Variants in LRRK2 observed in about 807,000 individuals in gnomAD.
The protein encoded by LRRK2 is leucine-rich repeat serine/threonine-protein kinase 2.
A neutral mutation model predicts 302.6 loss-of-function variants in LRRK2; 203 were observed. The ratio of observed to expected loss-of-function variants is 0.67; its 90% confidence interval spans 0.60 to 0.75. The LOEUF is 0.75. LRRK2 is among the 30% of genes least tolerant of loss of function. The pLI, the probability that LRRK2 is intolerant of heterozygous loss-of-function variation, is 0.00. For missense variants in LRRK2, 2,830 were observed against 2,951.0 expected, an observed-to-expected ratio of 0.96 and a Z score of 0.95; for synonymous variants, 1,066 against 1,031.9, an observed-to-expected ratio of 1.03 and a Z score of -0.63.
intron 7 of LRRK2, among the ~76,000 whole-genome samples, chr12:40,245,980 T>C (rs1941961390): frequency 2.0e-5 from 3 of 151,988 alleles, no homozygotes; most frequent in South Asian, 4.1e-4. Context: ...GAATTATTAA[T>C]ATAGTGTTAA....
intron 5 of LRRK2, among the ~76,000 whole-genome samples, chr12:40,239,398 A>T (rs968855787): frequency 1.3e-5 from 2 of 152,028 alleles, no homozygotes; most frequent in African/African-American, 2.4e-5. Context: ...TTGAGGTTCT[A>T]TTGTCTTGCA....
At chr12:40,278,340 A>G (rs1943548265) in intron 18 of LRRK2, 79 bp downstream of exon 18, 1 of 1,506,944 alleles carries the variant, frequency 6.6e-7, no homozygotes, top group Admixed American at 1.7e-5. Context: ...TGTATCTCTT[A>G]CTTATATCAT....
At chr12:40,258,673 G>A (rs1354240164) in intron 12 of LRRK2, among the ~76,000 whole-genome samples, 4 of 152,208 alleles carry the variant, frequency 2.6e-5, no homozygotes, top group Non-Finnish European at 5.9e-5. Flanking sequence ...TCAGAATGCA[G>A]TGGCAGTAGT....
At chr12:40,283,064 A>G (rs1943773962) in intron 18 of LRRK2, among the ~76,000 whole-genome samples, 1 of 152,188 alleles carries the variant, frequency 6.6e-6, no homozygotes, top group Admixed American at 6.5e-5. Flanking sequence ...ATTAGAAATC[A>G]TGTGTGTACA....
intron 6 of LRRK2, 54 bp downstream of exon 6, chr12:40,240,671 T>C (rs1279395724): frequency 2.0e-6 from 3 of 1,493,938 alleles, no homozygotes; most frequent in African/African-American, 1.4e-5. Flanking sequence ...TTACAATATA[T>C]CTCATTCTGA....
chr12:40,252,869 T>G lies in LRRK2; in HGVS notation c.1182-41T>G, dbSNP rs1411929985. 2.3e-6 allele frequency: 3 copies of G among 1,306,818 alleles called. No homozygotes were observed. The African/African-American group carries it at 4.3e-5, about 19-fold the overall frequency. The allele number at this position is 1,306,818 out of a possible 1,614,324, so 81.0% of individuals were successfully genotyped here. ...GCAAGTGAGAATTTGAGATAGTTAT[T>G]TAAAAGATTACTACTAACATTTTGT... On this transcript the variant is annotated intron_variant, in intron 10 of 50. Transcript: ENST00000298910.
intron 39 of LRRK2, among the ~76,000 whole-genome samples, chr12:40,331,596 A>C (rs533355516): frequency 3.6e-5 from 3 of 82,354 alleles, no homozygotes; most frequent in East Asian, 5.4e-4. Context: ...TAAAAAAATT[A>C]CAAAAAAAAA....
At chr12:40,366,604 A>G (rs1295504708) in intron 49 of LRRK2, 1 of 179,600 alleles carries the variant, frequency 5.6e-6, no homozygotes, top group Non-Finnish European at 1.2e-5. Flanking sequence ...GTATCAGTAT[A>G]TCCATCCATC....
intron 15 of LRRK2, 39 bp downstream of exon 15, chr12:40,274,766 T>G (rs201065735): frequency 3.7e-6 from 6 of 1,613,246 alleles, no homozygotes; most frequent in Non-Finnish European, 5.1e-6. Flanking sequence ...AATAGATTTT[T>G]GTAGGGCATT....
chr12:40,320,164 G>A lies in LRRK2; in HGVS notation c.5004G>A (p.Leu1668=), dbSNP rs201698837. 3 of 1,611,408 alleles carry A rather than the reference G, an allele frequency of 1.9e-6. No homozygotes were observed. Among genetic ancestry groups the A allele is most frequent in the South Asian group, 1.1e-5 (1 of 90,910 alleles). Residue 1668 remains leucine, a synonymous_variant, in exon 34 of 51, where the codon CTG becomes CTA. Transcript: ENST00000298910. ...IALPIGEEYL[L]VPSSLSDHRP... is the part of the protein sequence containing the mutation. Reference sequence around the variant, plus strand: ...TGCCAATAGGAGAAGAATATTTGCTGGTTCCAAGCAGGTAAAGAAAACCTT... The same window carrying A: ...TGCCAATAGGAGAAGAATATTTGCTAGTTCCAAGCAGGTAAAGAAAACCTT...
At chr12:40,263,317 C>G (rs1280349548) in intron 13 of LRRK2, among the ~76,000 whole-genome samples, 1 of 152,140 alleles carries the variant, frequency 6.6e-6, no homozygotes, top group Non-Finnish European at 1.5e-5. Context: ...ATGACATGTT[C>G]TCTACCACCT....
chr12:40,225,425 G>A, intron 1 of LRRK2, 130 bp from the exon 2 acceptor site: 1 of 1,270,632 alleles, frequency 7.9e-7, no homozygotes, highest in Non-Finnish European at 1.1e-6. Flanking sequence ...CTTTCCTTAG[G>A]GCAGAAAGCA....
chr12:40,343,643 T>C (rs1946113584), intron 41 of LRRK2, among the ~76,000 whole-genome samples: 1 of 152,248 alleles, frequency 6.6e-6, no homozygotes, highest in Non-Finnish European at 1.5e-5. Flanking sequence ...TCTGAAAAAT[T>C]ATTTTTAAAA....
intron 10 of LRRK2, among the ~76,000 whole-genome samples, chr12:40,252,335 TTAAA>T (rs1942310124): frequency 6.6e-6 from 1 of 152,230 alleles, no homozygotes; most frequent in South Asian, 2.1e-4. Context: ...TGCTACTTAA[TTAAA>T]TATTTTCATT....
chr12:40,317,088 T>C (rs1433476306), intron 33 of LRRK2, among the ~76,000 whole-genome samples: 3 of 152,110 alleles, frequency 2.0e-5, no homozygotes, highest in African/African-American at 7.2e-5. Context: ...ATTTTCACTA[T>C]GACTGCAATA....
At chr12:40,269,452 G>C (rs190847103) in intron 14 of LRRK2, among the ~76,000 whole-genome samples, 89 of 152,268 alleles carry the variant, frequency 5.8e-4, no homozygotes, top group Admixed American at 9.2e-4. Flanking sequence ...TGCAGTGTTT[G>C]AGATAGTAGT....
intron 34 of LRRK2, among the ~76,000 whole-genome samples, 192 bp from the exon 35 acceptor site, chr12:40,320,842 G>A (rs1162812598): frequency 6.6e-6 from 1 of 151,990 alleles, no homozygotes; most frequent in Admixed American, 6.6e-5. Flanking sequence ...ATCTACATCT[G>A]AGCATGCATT....
At position 40,308,611 on chromosome 12, in the gene LRRK2, A is replaced by C; in HGVS notation, c.4104A>C (p.Thr1368=). 1 of 1,614,072 alleles carries C rather than the reference A, an allele frequency of 6.2e-7. No individual in the cohort carries two copies. Among genetic ancestry groups the C allele is most frequent in the South Asian group, 1.1e-5 (1 of 91,084 alleles). Residue 1368 remains threonine, a synonymous_variant, in exon 29 of 51, where the codon ACA becomes ACC. Transcript: ENST00000298910. ...CAGATCTTGGAATGCAAAGTGCCAC[A>C]GTTGGCATAGATGTGAAAGACTGGC... is the stretch of plus-strand genomic sequence containing the variant. ...KKSDLGMQSA[T]VGIDVKDWPI...
At chr12:40,315,093 C>G (rs1945171829) in intron 32 of LRRK2, 119 bp from the exon 33 acceptor site, 2 of 815,760 alleles carry the variant, frequency 2.5e-6, no homozygotes, top group Non-Finnish European at 4.3e-6. Flanking sequence ...AGCTCTGTCA[C>G]TAGCTATGCT....
Sources: allele counts gnomAD v4.1 joint callset (sites outside exome capture counted in the v4.1 genomes callset), GRCh38; gene constraint gnomAD v4.1.1; transcripts MANE v1.5; gene names NCBI Gene and HGNC (gene_info 2026-07-23, HGNC 2026-07-21).